The following GRK1 variants were observed in gnomAD, a reference collection of about 807,000 sequenced individuals.
The protein encoded by GRK1 is G protein-coupled receptor kinase 1, also known as rhodopsin kinase GRK1.
Under a neutral mutation model 41.7 loss-of-function variants are expected in GRK1, and 28 were observed. The observed-to-expected ratio is 0.67, with a 90% CI of 0.50 to 0.92. The LOEUF (loss-of-function observed/expected upper bound fraction) is 0.92, where lower values mean the gene tolerates loss of function less well. GRK1 is among the 40% of genes least tolerant of loss of function. The pLI, the probability that GRK1 is intolerant of heterozygous loss-of-function variation, is 0.00. For synonymous variants in GRK1, 327 were observed against 286.7 expected, an observed-to-expected ratio of 1.14 and a Z score of -1.42; for missense variants, 703 against 671.2, an observed-to-expected ratio of 1.05 and a Z score of -0.52.
the GRK1 span, among the ~76,000 whole-genome samples, chr13:113,659,881 G>A: frequency 1.3e-5 from 2 of 152,198 alleles, no homozygotes; most frequent in South Asian, 4.1e-4. Context: ...AGTGCCAGGG[G>A]TCTGACAACA....
intron 5 of GRK1, 57 bp from the exon 6 acceptor site, chr13:113,732,827 T>A: frequency 6.6e-7 from 1 of 1,524,014 alleles, no homozygotes; most frequent in Non-Finnish European, 8.8e-7. Flanking sequence ...TGTGGTCTGG[T>A]CTGACCACCC....
chr13:113,650,884 T>C, the GRK1 span, among the ~76,000 whole-genome samples: 75,789 of 151,900 alleles, frequency 0.5, 20,897 homozygotes, highest in African/African-American at 0.74. This position sits in a 1 kb window ranked among gnomAD's most constrained non-coding sequence, Gnocchi z 5.0. Flanking sequence ...GGCAAGCGAA[T>C]GCGTTTTTGT....
chr13:113,732,222 C>T (rs1312736127), intron 5 of GRK1, among the ~76,000 whole-genome samples: 3 of 152,168 alleles, frequency 2.0e-5, no homozygotes, highest in Non-Finnish European at 2.9e-5. Context: ...GGCCACCCAT[C>T]GCCCCCTCAA....
Position 113,728,325 on chromosome 13 carries a change from AAGGAGTACCCATGGTGATG to A in GRK1, c.1070-2879_1070-2861del, listed in dbSNP as rs1379874176. Among the ~76,000 whole-genome samples, 203 of 62,244 alleles carry A rather than the reference AAGGAGTACCCATGGTGATG, an allele frequency of 3.3e-3. 12 individuals are homozygous for A. Among genetic ancestry groups the A allele is most frequent in the African/African-American group, 0.021 (186 of 9,040 alleles). The allele number at this position is 62,244 out of a possible 152,430, so 40.8% of individuals were successfully genotyped here. A position where few individuals can be genotyped will look rare whatever the true frequency, so the allele number is the denominator to read the frequency against. ...CATGGCGATGAGGAATACCCATGGC[AAGGAGTACCCATGGTGATG>A]AGGAGTACCCATGGCGATGAGGAGT... On this transcript the variant is annotated intron_variant, in intron 4 of 6. Coordinates refer to ENST00000335678, the MANE Select transcript of GRK1 (RefSeq NM_002929.3).
At chr13:113,663,919 C>CT (rs912788326), upstream of GRK1, among the ~76,000 whole-genome samples, 2 of 152,196 alleles carry the variant, frequency 1.3e-5, no homozygotes, top group African/African-American at 2.4e-5. Flanking sequence ...AATTACGACA[C>CT]TTTTAGGCAT....
At chr13:113,660,695 A>G in the GRK1 span, among the ~76,000 whole-genome samples, 1 of 152,250 alleles carries the variant, frequency 6.6e-6, no homozygotes, top group Admixed American at 6.5e-5. Context: ...CTAAAAAATT[A>G]AAAAATTCTA....
rs1422163255 is a variant in GRK1, at chr13:113,733,673, GTGTGTGC to G, written c.1396+589_1396+595del. Among the ~76,000 whole-genome samples, 460 of 83,860 alleles carry G rather than the reference GTGTGTGC, an allele frequency of 5.5e-3. 2 individuals carry two copies. The highest frequency in any genetic ancestry group is 6.9e-3 in the Middle Eastern group (1 of 144). 55.0% of individuals were successfully genotyped at this position (83,860 alleles called of 152,430 possible). A position where few individuals can be genotyped will look rare whatever the true frequency, so the allele number is the denominator to read the frequency against. On this transcript the variant is annotated intron_variant, in intron 6 of 6. Transcript: ENST00000335678. ...CATACGTGTGTGTGCGTGTGTGCACGTGTGTGCATGTATGTGTGCATACATGTGTGCG... is the reference window on the plus strand; with the variant it reads ...CATACGTGTGTGTGCGTGTGTGCACGATGTATGTGTGCATACATGTGTGCG...
At chr13:113,734,007 T>C (rs552288270) in intron 6 of GRK1, among the ~76,000 whole-genome samples, 4 of 134,108 alleles carry the variant, frequency 3.0e-5, no homozygotes, top group South Asian at 2.1e-4. Context: ...TGTGTGCGTG[T>C]GCGTGCATGT....
At chr13:113,670,070 TGTGGGA>T (rs1309110196) in intron 2 of GRK1, among the ~76,000 whole-genome samples, 1 of 151,974 alleles carries the variant, frequency 6.6e-6, no homozygotes, top group Non-Finnish European at 1.5e-5. Flanking sequence ...TTGGTGTGGG[TGTGGGA>T]GGCACGTGGT....
intron 4 of GRK1, among the ~76,000 whole-genome samples, chr13:113,727,941 G>GATGAGTACCCATTGCT (rs2049902061): frequency 1.3e-4 from 11 of 87,950 alleles, no homozygotes; most frequent in African/African-American, 6.3e-4. Flanking sequence ...TACCCATGGC[G>GATGAGTACCCATTGCT]ATGAGGAGTA....
chr13:113,671,265 G>A lies in GRK1; in HGVS notation c.828-234G>A, dbSNP rs1257745525. 1.3e-5 allele frequency among the ~76,000 whole-genome samples: 2 copies of A among 152,186 alleles called. No individual in the cohort carries two copies. Among genetic ancestry groups the A allele is most frequent in the Non-Finnish European group, 2.9e-5 (2 of 68,038 alleles). On this transcript the variant is annotated intron_variant, in intron 2 of 6. Coordinates refer to ENST00000335678, the MANE Select transcript of GRK1 (RefSeq NM_002929.3). The surrounding 1 kb of genome is among the most constrained non-coding windows in gnomAD (Gnocchi z 4.1). ...GCTGGAAAGCAGGCGGACAGGAGACGCACGTGGACAGCACTTTCTCCCTGT... is the reference window on the plus strand; with the variant it reads ...GCTGGAAAGCAGGCGGACAGGAGACACACGTGGACAGCACTTTCTCCCTGT...
Position 113,735,144 on chromosome 13 carries a change from C to T in GRK1, c.1473C>T (p.Ser491=), listed in dbSNP as rs1388597263. Residue 491 remains serine, a synonymous_variant, in exon 7 of 7, where the codon TCC becomes TCT. Coordinates refer to ENST00000335678, the MANE Select transcript of GRK1 (RefSeq NM_002929.3). ...ATATTCAGGACGTGGGTGCCTTTTC[C>T]ACCGTCAAAGGTGTGGCCTTTGACA... ...AKDIQDVGAF[S]TVKGVAFDKT... 1 of 1,537,050 alleles carries T rather than the reference C, an allele frequency of 6.5e-7. No homozygotes were observed. Among genetic ancestry groups the T allele is most frequent in the Non-Finnish European group, 8.7e-7 (1 of 1,146,860 alleles).
At position 113,732,913 on chromosome 13, in the gene GRK1, C is replaced by T; in HGVS notation, c.1224C>T (p.Ile408=). The change falls in exon 6 of 7, where the codon ATC becomes ATT. Residue 408 remains isoleucine, a synonymous_variant. Coordinates refer to ENST00000335678, the MANE Select transcript of GRK1 (RefSeq NM_002929.3). ...AGAACAAGGAGCTGAAGCACCGGAT[C>T]ATCTCAGAGCCCGTGAAGTACCCTG... ...KVENKELKHR[I]ISEPVKYPDK... 1 of 1,536,812 alleles carries T rather than the reference C, an allele frequency of 6.5e-7. No individual in the cohort carries two copies. Among genetic ancestry groups the T allele is most frequent in the Non-Finnish European group, 8.7e-7 (1 of 1,146,898 alleles).
the GRK1 span, chr13:113,650,319 A>G: frequency 2.3e-6 from 3 of 1,283,424 alleles, no homozygotes; most frequent in South Asian, 1.2e-5. This position sits in a 1 kb window ranked among gnomAD's most constrained non-coding sequence, Gnocchi z 5.0. Flanking sequence ...TCATTTTTCT[A>G]CATGAAGGGG....
chr13:113,649,059 T>A, the GRK1 span: 5 of 199,342 alleles, frequency 2.5e-5, no homozygotes, highest in South Asian at 4.0e-4. This position sits in a 1 kb window ranked among gnomAD's most constrained non-coding sequence, Gnocchi z 4.7. Flanking sequence ...GAAAGTGATG[T>A]CTACATAGAA....
At chr13:113,654,442 C>T in the GRK1 span, among the ~76,000 whole-genome samples, 1 of 152,204 alleles carries the variant, frequency 6.6e-6, no homozygotes, top group Admixed American at 6.5e-5. Flanking sequence ...TGCGTCCTTG[C>T]AGAAACATTC....
Position 113,735,084 on chromosome 13 carries a change from T to A in GRK1, c.1413T>A (p.Pro471=), listed in dbSNP as rs1489882939. Residue 471 remains proline, a synonymous_variant, in exon 7 of 7, where the codon CCT becomes CCA. Coordinates refer to ENST00000335678, the MANE Select transcript of GRK1 (RefSeq NM_002929.3). ...CTCCCACAGGGATGCTGATGCCCCCTTTCATCCCAGACTCCAAAACTGTCT... is the reference window on the plus strand; with the variant it reads ...CTCCCACAGGGATGCTGATGCCCCCATTCATCCCAGACTCCAAAACTGTCT... ...RQLEAGMLMP[P]FIPDSKTVYA... The A allele has an allele frequency of 1.3e-6, 2 of 1,518,142 alleles. No homozygotes were observed. The highest frequency in any genetic ancestry group is 1.4e-5 in the African/African-American group (1 of 72,648). The allele number at this position is 1,518,142 out of a possible 1,614,324, so 94.0% of individuals were successfully genotyped here.
At position 113,668,096 on chromosome 13, in the gene GRK1, C is replaced by A. The variant is rs375077035; in HGVS notation, c.699+11C>A. 6 of 1,592,938 alleles carry A rather than the reference C, an allele frequency of 3.8e-6. No homozygotes were observed. Among genetic ancestry groups the A allele is most frequent in the Admixed American group, 3.5e-5 (2 of 56,540 alleles). On this transcript the variant is annotated intron_variant, in intron 1 of 6. Coordinates refer to ENST00000335678, the MANE Select transcript of GRK1 (RefSeq NM_002929.3). ...AGGAAGGGCTACCAGGTGAGCAGCGCGACCCGGCCAGCAGGGATGGGGTGG... is the reference window on the plus strand; with the variant it reads ...AGGAAGGGCTACCAGGTGAGCAGCGAGACCCGGCCAGCAGGGATGGGGTGG...
upstream of GRK1, among the ~76,000 whole-genome samples, chr13:113,665,941 C>T (rs1338198183): frequency 7.1e-6 from 1 of 141,762 alleles, no homozygotes; most frequent in East Asian, 2.2e-4. Context: ...AGGTGTGCCC[C>T]CCAGTGCATC....
Sources: gnomAD v4.1 joint callset for allele counts (sites outside exome capture counted in the v4.1 genomes callset) on GRCh38, gnomAD v4.1.1 for gene constraint, Gnocchi (gnomAD v3.1) non-coding constraint, MANE v1.5 for transcripts, NCBI Gene and HGNC (gene_info 2026-07-23, HGNC 2026-07-21) for gene names.